Variants in CEP152 observed in about 807,000 individuals in gnomAD.
CEP152 encodes the protein centrosomal protein of 152 kDa.
In CEP152, 132 loss-of-function variants were observed where a neutral mutation model predicts 188.9. That is an observed-to-expected ratio of 0.70 (90% CI 0.61 to 0.81). The LOEUF is 0.81. Among genes scored for constraint, CEP152 ranks in the 30% least tolerant of loss-of-function variants. The pLI, the probability that CEP152 is intolerant of heterozygous loss-of-function variation, is 0.00. For synonymous variants in CEP152, 649 were observed against 666.6 expected, an observed-to-expected ratio of 0.97 and a Z score of 0.41; for missense variants, 1,914 against 1,969.8, an observed-to-expected ratio of 0.97 and a Z score of 0.54.
intron 1 of CEP152, among the ~76,000 whole-genome samples, chr15:48,807,332 AT>A (rs1229172881): frequency 6.6e-6 from 1 of 152,198 alleles, no homozygotes; most frequent in Non-Finnish European, 1.5e-5. Flanking sequence ...ATGTCTCTAG[AT>A]TTTTTTCCAC....
Position 48,788,846 on chromosome 15 carries a change from G to A in CEP152, c.1128C>T (p.Ser376=), listed in dbSNP as rs1291814656. Residue 376 remains serine (S), a synonymous_variant, in exon 9 of 27, where the codon TCC becomes TCT. Coordinates refer to ENST00000380950, the MANE Select transcript of CEP152 (RefSeq NM_001194998.2). The part of the protein sequence containing the change: ...LTKKYEEQVL[S]LQKNLDATVT... ...CTGTGGCATCCAAATTCTTTTGTAA[G>A]GACAATACTTGCTCTTCGTACTTCT... 6.2e-7 allele frequency: 1 copy of A among 1,614,038 alleles called. No homozygotes were observed. Among genetic ancestry groups the A allele is most frequent in the East Asian group, 2.2e-5 (1 of 44,884 alleles).
At chr15:48,788,065 T>C (rs1896770155) in intron 9 of CEP152, among the ~76,000 whole-genome samples, 1 of 152,318 alleles carries the variant, frequency 6.6e-6, no homozygotes, top group South Asian at 2.1e-4. Context: ...ACAGGTGAAT[T>C]ACCAAATGCT....
intron 2 of CEP152, among the ~76,000 whole-genome samples, chr15:48,802,540 C>A (rs971633800): frequency 6.6e-6 from 1 of 152,174 alleles, no homozygotes; most frequent in Non-Finnish European, 1.5e-5. Context: ...TATGCCTTGA[C>A]TCACAGTGGG....
intron 9 of CEP152, among the ~76,000 whole-genome samples, chr15:48,785,787 G>A (rs1896583689): frequency 6.6e-6 from 1 of 151,926 alleles, no homozygotes; most frequent in South Asian, 2.1e-4. Flanking sequence ...TGTTTGCCAT[G>A]ATTAGCTTGA....
intron 9 of CEP152, among the ~76,000 whole-genome samples, chr15:48,787,167 T>TTTGTTTTG (rs1555425540): frequency 7.2e-6 from 1 of 139,212 alleles, no homozygotes; most frequent in African/African-American, 2.7e-5. Flanking sequence ...GCCTTCGTTT[T>TTTGTTTTG]TTTTTTTTTT....
At chr15:48,772,218 C>T (rs1895583012) in intron 13 of CEP152, among the ~76,000 whole-genome samples, 1 of 152,050 alleles carries the variant, frequency 6.6e-6, no homozygotes, top group South Asian at 2.1e-4. Flanking sequence ...TGAGACCAGC[C>T]TGGGCAACAT....
At chr15:48,758,807 G>A (rs1175154619) in intron 19 of CEP152, among the ~76,000 whole-genome samples, 1 of 151,074 alleles carries the variant, frequency 6.6e-6, no homozygotes, top group Non-Finnish European at 1.5e-5. Context: ...AGATAGCTAT[G>A]CTTTAACAAA....
chr15:48,788,462 T>G (rs982361120), intron 9 of CEP152, among the ~76,000 whole-genome samples: 1 of 150,986 alleles, frequency 6.6e-6, no homozygotes, highest in Admixed American at 6.6e-5. Flanking sequence ...GCCTCCCGAG[T>G]AGCTGGGATT....
rs780358413 is a variant in CEP152, at chr15:48,791,417, G to A, written c.833-41C>T. The A allele has an allele frequency of 3.8e-6, 6 of 1,567,596 alleles. No individual in the cohort carries two copies. In the East Asian group the frequency reaches 1.3e-4, roughly 35 times the overall value. ...TGTTTATATAAATAATGTTCCTGTA[G>A]AGGGACCCCAATGTCACAATCCCAA... On this transcript the variant is annotated intron_variant, in intron 7 of 26. Transcript: ENST00000380950.
At chr15:48,771,847 GCTTCATTTA>G (rs1366109702) in intron 13 of CEP152, among the ~76,000 whole-genome samples, 1 of 152,148 alleles carries the variant, frequency 6.6e-6, no homozygotes, top group Admixed American at 6.5e-5. Context: ...CTAATGCAAA[GCTTCATTTA>G]TAATAAACTG....
chr15:48,791,245 C>T lies in CEP152; in HGVS notation c.964G>A (p.Glu322Lys). 3 of 1,611,588 alleles carry T rather than the reference C, an allele frequency of 1.9e-6. No homozygotes were observed. Among genetic ancestry groups the T allele is most frequent in the Non-Finnish European group, 2.5e-6 (3 of 1,179,524 alleles). Residue 322 changes from glutamate (E) to lysine (K), a missense_variant, in exon 8 of 27, where the codon GAA becomes AAA. By Grantham distance (56) the Glu-to-Lys change is moderately conservative (BLOSUM62 1). Transcript: ENST00000380950. ...TAAGTTAAAATAGGTACCTGTTCTT[C>T]ATTGACTTTTAATGCTTGTATCTGA... ...ETQIQALKVN[E>K]EQMIKKSRTT...
intron 19 of CEP152, among the ~76,000 whole-genome samples, chr15:48,758,739 G>GAAAAAAAAAAAAAAA (rs1894462399): frequency 1.7e-5 from 1 of 59,464 alleles, no homozygotes; most frequent in Non-Finnish European, 3.7e-5. Context: ...AAAAAAAAAG[G>GAAAAAAAAAAAAAAA]CAAATTCCCA....
rs1318880955 is a variant in CEP152, at chr15:48,762,548, T to A, written c.2405A>T (p.Asp802Val). ...GSQTDQVTTSDVISKKEMAIM... is the reference protein window; with the variant it reads ...GSQTDQVTTSVVISKKEMAIM... Reference sequence around the variant, plus strand: ...TGCCATCTCTTTCTTGGAAATAACATCACTGGTGGTTACTTGGTCAGTTTG... The same window carrying A: ...TGCCATCTCTTTCTTGGAAATAACAACACTGGTGGTTACTTGGTCAGTTTG... The change falls in exon 18 of 27, where the codon GAT (aspartate) becomes GTT (valine). Residue 802 changes from aspartate to valine, a missense_variant. Transcript: ENST00000380950. 2 of 1,614,108 alleles carry A rather than the reference T, an allele frequency of 1.2e-6. No homozygotes were observed. The highest frequency in any genetic ancestry group is 1.7e-6 in the Non-Finnish European group (2 of 1,180,004).
chr15:48,749,000 G>A (rs146719358), intron 21 of CEP152, among the ~76,000 whole-genome samples: 9 of 152,172 alleles, frequency 5.9e-5, no homozygotes, highest in East Asian at 1.9e-4. Context: ...ATCTTCCTAT[G>A]CCAGAAAGTA....
Position 48,767,171 on chromosome 15 carries a change from A to T in CEP152, c.2169T>A (p.Asn723Lys), listed in dbSNP as rs1396875306. The T allele has an allele frequency of 6.2e-7, 1 of 1,613,726 alleles. No homozygotes were observed. The highest frequency in any genetic ancestry group is 8.5e-7 in the Non-Finnish European group (1 of 1,180,036). The change falls in exon 17 of 27, where the codon AAT (asparagine) becomes AAA (lysine). Residue 723 changes from asparagine to lysine, a missense_variant. Physicochemically the swap from Asn to Lys is moderately conservative, Grantham distance 94 (BLOSUM62 0). Coordinates refer to ENST00000380950, the MANE Select transcript of CEP152 (RefSeq NM_001194998.2). ...ATTCCTGCACAGCAGTCACCTCCTT[A>T]TTCAACTTATCCAACTCAGACCTTG... ...LQLRSELDKL[N>K]KEVTAVQECY...
chr15:48,805,520 T>A, intron 2 of CEP152, 43 bp downstream of exon 2: 1 of 1,578,202 alleles, frequency 6.3e-7, no homozygotes, highest in Non-Finnish European at 8.6e-7. Flanking sequence ...TTGTTAAAGA[T>A]TGGGTTTAGT....
intron 5 of CEP152, 117 bp downstream of exon 5, chr15:48,797,184 T>A (rs1488483134): frequency 8.3e-7 from 1 of 1,201,162 alleles, no homozygotes; most frequent in Admixed American, 1.7e-5. Context: ...CTCTCAGAAC[T>A]TCGTGTGGTT....
chr15:48,742,189 G>T, intron 24 of CEP152, 89 bp from the exon 25 acceptor site: 2 of 1,140,382 alleles, frequency 1.8e-6, no homozygotes, highest in Non-Finnish European at 2.7e-6. Flanking sequence ...TCAATTTTCT[G>T]GTAGATGAAG....
intron 8 of CEP152, among the ~76,000 whole-genome samples, chr15:48,789,546 T>C (rs1896879749): frequency 6.6e-6 from 1 of 152,334 alleles, no homozygotes; most frequent in South Asian, 2.1e-4. Context: ...TTATATTACA[T>C]GGCAAGGGAA....
Sources: gnomAD v4.1 joint callset for allele counts (sites outside exome capture counted in the v4.1 genomes callset) on GRCh38, gnomAD v4.1.1 for gene constraint, MANE v1.5 for transcripts, NCBI Gene and HGNC (gene_info 2026-07-23, HGNC 2026-07-21) for gene names.